Variants in CAMSAP1 observed in about 807,000 individuals in gnomAD.
The protein encoded by CAMSAP1 is calmodulin-regulated spectrin-associated protein 1.
Under a neutral mutation model 143.5 loss-of-function variants are expected in CAMSAP1, and 58 were observed. The observed-to-expected ratio is 0.40, with a 90% confidence interval of 0.33 to 0.50. CAMSAP1 has a LOEUF of 0.50. CAMSAP1 is among the 20% of genes least tolerant of loss of function. The pLI is 0.45. For synonymous variants in CAMSAP1, 945 were observed against 859.3 expected (o/e 1.10, Z -1.74); for missense variants, 1,969 against 2,115.7 (o/e 0.93, Z 1.36).
chr9:135,906,149 C>T (rs577103318), intron 1 of CAMSAP1, among the ~76,000 whole-genome samples: 230 of 152,374 alleles, frequency 1.5e-3, no homozygotes, highest in Non-Finnish European at 2.8e-3. Context: ...AGGGCAACGC[C>T]TACTCAGCGT....
intron 1 of CAMSAP1, among the ~76,000 whole-genome samples, chr9:135,884,810 G>A (rs1210339038): frequency 5.3e-5 from 8 of 152,170 alleles, no homozygotes; most frequent in South Asian, 2.1e-4. Flanking sequence ...GAGCCACCCC[G>A]CACACGCCGG....
At chr9:135,876,752 T>C (rs145000271) in intron 3 of CAMSAP1, among the ~76,000 whole-genome samples, 2,051 of 152,320 alleles carry the variant, frequency 0.013, 57 homozygotes, top group African/African-American at 0.047. Context: ...CTGACACCTG[T>C]AATCCCAGCA....
intron 5 of CAMSAP1, among the ~76,000 whole-genome samples, chr9:135,861,676 G>A (rs1057447401): frequency 2.0e-5 from 3 of 152,200 alleles, no homozygotes; most frequent in African/African-American, 4.8e-5. Flanking sequence ...GCATTTTTAC[G>A]CCCAGTAGGA....
intron 5 of CAMSAP1, among the ~76,000 whole-genome samples, chr9:135,852,613 C>T (rs550792627): frequency 6.6e-6 from 1 of 152,194 alleles, no homozygotes; most frequent in Non-Finnish European, 1.5e-5. Context: ...CCAAAGGCAC[C>T]AGATTCCCTG....
chr9:135,842,552 G>C (rs1836396528), intron 7 of CAMSAP1, among the ~76,000 whole-genome samples: 1 of 152,086 alleles, frequency 6.6e-6, no homozygotes, highest in Admixed American at 6.6e-5. Context: ...GATTCACCAA[G>C]GTTGAAATGA....
intron 5 of CAMSAP1, among the ~76,000 whole-genome samples, chr9:135,851,235 CAT>C (rs1041103339): frequency 3.3e-5 from 5 of 152,146 alleles, no homozygotes; most frequent in Admixed American, 1.3e-4. Flanking sequence ...TAAATATATA[CAT>C]AGAGAAAAAA....
chr9:135,825,994 C>G (rs1588449241), intron 8 of CAMSAP1: 1 of 152,354 alleles, frequency 6.6e-6, no homozygotes, highest in Non-Finnish European at 1.5e-5. Context: ...TGTGTCAGGG[C>G]CACAATGCAA....
Position 135,820,210 on chromosome 9 carries a change from T to C in CAMSAP1, c.3822+629A>G, listed in dbSNP as rs1195977991. 6.6e-6 allele frequency among the ~76,000 whole-genome samples: 1 copy of C among 152,142 alleles called. No individual in the cohort carries two copies. Among genetic ancestry groups the C allele is most frequent in the Non-Finnish European group, 1.5e-5 (1 of 68,012 alleles). ...CTGTAAGTAACTGTGTATCAAAATC[T>C]ATCTAAACATTGAAAAACTACCACG... On this transcript the variant is annotated intron_variant, in intron 11 of 16. Coordinates refer to ENST00000389532, the MANE Select transcript of CAMSAP1 (RefSeq NM_015447.4). The surrounding 1 kb of genome is among the most constrained non-coding windows in gnomAD (Gnocchi z 4.4).
At chr9:135,877,975 G>A (rs764723421) in intron 3 of CAMSAP1, among the ~76,000 whole-genome samples, 5 of 152,210 alleles carry the variant, frequency 3.3e-5, no homozygotes, top group Admixed American at 6.5e-5. Context: ...TGGGAAACCC[G>A]CATGGCAGCA....
rs1838806705 is a variant in CAMSAP1 at position 135,907,058 on chromosome 9, C to T, written c.102G>A (p.Ala34=). ...GGTTGGCGGCGATCTTGGCGCGCGC[C>T]GCGTCGTAGCGGTCCAGGGGCACGA... ...ADLVPLDRYD[A]ARAKIAANLQ... The change falls in exon 1 of 17, where the codon GCG becomes GCA. Residue 34 remains alanine (A), a synonymous_variant. Coordinates refer to ENST00000389532, the MANE Select transcript of CAMSAP1 (RefSeq NM_015447.4). 1 of 1,209,908 alleles carries T rather than the reference C, an allele frequency of 8.3e-7. No homozygotes were observed. The highest frequency in any genetic ancestry group is 3.9e-5 in the Admixed American group (1 of 25,856). 74.9% of individuals were successfully genotyped at this position (1,209,908 alleles called of 1,614,324 possible).
Position 135,900,038 on chromosome 9 carries a change from T to C in CAMSAP1, c.160+6962A>G, listed in dbSNP as rs187064192. Among the ~76,000 whole-genome samples, 100 of 152,264 alleles carry C rather than the reference T, an allele frequency of 6.6e-4. 1 individual carries two copies. The highest frequency in any genetic ancestry group is 6.4e-3 in the Admixed American group (98 of 15,290). On this transcript the variant is annotated intron_variant, in intron 1 of 16. Transcript: ENST00000389532. ...CAACTGAACTCATGTAAGTTTAACC[T>C]TTTTTGAGACAGGATCTTGCTCTGT...
chr9:135,896,344 A>T (rs1487235591), intron 1 of CAMSAP1, among the ~76,000 whole-genome samples: 2 of 152,214 alleles, frequency 1.3e-5, no homozygotes, highest in African/African-American at 4.8e-5. Context: ...AGACCTAAAA[A>T]TCCTGAAAGT....
In CAMSAP1 at chr9:135,882,858, G is replaced by T. The variant is rs766929148; in HGVS notation, c.381C>A (p.Thr127=). The change falls in exon 2 of 17, where the codon ACC becomes ACA. Residue 127 remains threonine, a synonymous_variant. Transcript: ENST00000389532. The surrounding 1 kb of genome is among the most constrained non-coding windows in gnomAD (Gnocchi z 4.9). The part of the protein sequence containing the change: ...KGIYVMESDD[T]PVTESDLSRA... Reference sequence around the variant, plus strand: ...GACTGAGGTCGGACTCTGTCACGGGGGTGTCATCACTCTCCATCACATAGA... The same window carrying T: ...GACTGAGGTCGGACTCTGTCACGGGTGTGTCATCACTCTCCATCACATAGA... The T allele has an allele frequency of 1.3e-4, 208 of 1,551,300 alleles. No homozygotes were observed. Among genetic ancestry groups the T allele is most frequent in the Non-Finnish European group, 1.7e-4 (200 of 1,146,988 alleles).
intron 7 of CAMSAP1, chr9:135,836,323 C>G (rs1053187197): frequency 1.0e-6 from 1 of 985,012 alleles, no homozygotes; most frequent in African/African-American, 1.8e-5. Context: ...CACACGTCAC[C>G]ACGCGCCTTC....
At chr9:135,858,855 G>C (rs563046535) in intron 5 of CAMSAP1, among the ~76,000 whole-genome samples, 1 of 152,328 alleles carries the variant, frequency 6.6e-6, no homozygotes, top group Admixed American at 6.5e-5. Context: ...TGATGTCCAA[G>C]GACAGGAAGA....
chr9:135,832,916 T>C (rs988172277), intron 7 of CAMSAP1, among the ~76,000 whole-genome samples: 4 of 152,074 alleles, frequency 2.6e-5, no homozygotes, highest in Admixed American at 2.0e-4. Flanking sequence ...TATCCCATAT[T>C]CACGGATTGA....
chr9:135,821,559 C>G lies in CAMSAP1; in HGVS notation c.3102G>C (p.Leu1034=). The stretch of plus-strand genomic sequence containing the variant: ...GAGAGATTTTCAGGATGGCCTGCTG[C>G]AGCGTACTGATGGTTTCGTTAAGCT... ...IEKLNETIST[L]QQAILKISQQ... Residue 1034 remains leucine (L), a synonymous_variant, in exon 11 of 17, where the codon CTG becomes CTC. Transcript: ENST00000389532. This position sits in a 1 kb window ranked among gnomAD's most constrained non-coding sequence, Gnocchi z 4.6. 6.2e-7 allele frequency: 1 copy of G among 1,614,018 alleles called. No homozygotes were observed. The highest frequency in any genetic ancestry group is 1.1e-5 in the South Asian group (1 of 91,080).
intron 1 of CAMSAP1, among the ~76,000 whole-genome samples, chr9:135,893,266 GAAAGA>G (rs1838343840): frequency 2.3e-5 from 3 of 129,812 alleles, no homozygotes; most frequent in African/African-American, 8.6e-5. Context: ...AGAGATGAAA[GAAAGA>G]AAAGAAAAAA....
In CAMSAP1 at chr9:135,820,033, G is replaced by A. The variant is rs1376702310; in HGVS notation, c.3822+806C>T. On this transcript the variant is annotated intron_variant, in intron 11 of 16. Coordinates refer to ENST00000389532, the MANE Select transcript of CAMSAP1 (RefSeq NM_015447.4). This position sits in a 1 kb window ranked among gnomAD's most constrained non-coding sequence, Gnocchi z 4.4. Reference sequence around the variant, plus strand: ...TGCGTGTCGCTTGCCGAGAGAAAACGTTCTGAGAAATAGGTCCTCAGGTGA... The same window carrying A: ...TGCGTGTCGCTTGCCGAGAGAAAACATTCTGAGAAATAGGTCCTCAGGTGA... Among the ~76,000 whole-genome samples, 1 of 152,168 alleles carries A rather than the reference G, an allele frequency of 6.6e-6. No individual in the cohort carries two copies. The highest frequency in any genetic ancestry group is 1.5e-5 in the Non-Finnish European group (1 of 68,020).
Sources: gnomAD v4.1 joint callset for allele counts (sites outside exome capture counted in the v4.1 genomes callset) on GRCh38, gnomAD v4.1.1 for gene constraint, Gnocchi (gnomAD v3.1) non-coding constraint, MANE v1.5 for transcripts, NCBI Gene and HGNC (gene_info 2026-07-23, HGNC 2026-07-21) for gene names.